SNW1: variants seen among roughly 807,000 people sequenced by gnomAD.
The protein encoded by SNW1 is SNW domain containing 1.
A neutral mutation model predicts 75.6 loss-of-function variants in SNW1; 9 were observed. That is an observed-to-expected ratio of 0.12 (90% confidence interval 0.07 to 0.21). The LOEUF is 0.21. Among genes scored for constraint, SNW1 ranks in the 10% least tolerant of loss-of-function variants. The probability of loss-of-function intolerance (pLI) is 1.00; values close to 1 mark genes in which losing one functional copy is unlikely to be tolerated. For synonymous variants in SNW1, 200 were observed against 219.1 expected, an observed-to-expected ratio of 0.91 and a Z score of 0.77; for missense variants, 409 against 670.9, an observed-to-expected ratio of 0.61 and a Z score of 4.31.
intron 10 of SNW1, among the ~76,000 whole-genome samples, chr14:77,729,847 A>G (rs1329683722): frequency 6.6e-6 from 1 of 152,180 alleles, no homozygotes; most frequent in Non-Finnish European, 1.5e-5. Flanking sequence ...ATGTCAGGTC[A>G]TTACTCTGCT....
At chr14:77,731,713 C>T (rs1271808759) in intron 9 of SNW1, among the ~76,000 whole-genome samples, 2 of 152,154 alleles carry the variant, frequency 1.3e-5, no homozygotes, top group Admixed American at 6.5e-5. Context: ...ACTTCAATAT[C>T]ACATATTAAT....
At chr14:77,738,496 C>G (rs1385271920) in intron 5 of SNW1, among the ~76,000 whole-genome samples, 1 of 151,756 alleles carries the variant, frequency 6.6e-6, no homozygotes, top group Non-Finnish European at 1.5e-5. Flanking sequence ...AGGAGGATCA[C>G]CTGAGCCCAG....
In SNW1 at chr14:77,743,340, C is replaced by T. The variant is rs1303257392; in HGVS notation, c.331-4279G>A. On this transcript the variant is annotated intron_variant, in intron 3 of 13. Coordinates refer to ENST00000261531, the MANE Select transcript of SNW1 (RefSeq NM_012245.3). ...CCCCAATTTTGTATGACTAATAAGT[C>T]GTATACACAGTACTTACTTCACATG... Among the ~76,000 whole-genome samples the T allele has an allele frequency of 2.6e-5, 4 of 152,022 alleles. 1 individual carries two copies. In the South Asian group the frequency reaches 8.3e-4, roughly 31 times the overall value.
chr14:77,759,982 A>C (rs1365701434), intron 1 of SNW1, among the ~76,000 whole-genome samples: 3 of 152,126 alleles, frequency 2.0e-5, no homozygotes, highest in African/African-American at 7.2e-5. Flanking sequence ...AAAGCAAAAA[A>C]ATTTTAGAAA....
At chr14:77,728,590 C>A (rs935094260) in intron 10 of SNW1, among the ~76,000 whole-genome samples, 1 of 152,204 alleles carries the variant, frequency 6.6e-6, no homozygotes, top group African/African-American at 2.4e-5. Context: ...ATCTTGATTT[C>A]CACTGCATTT....
At chr14:77,725,771 G>A (rs2080580127) in intron 10 of SNW1, among the ~76,000 whole-genome samples, 1 of 152,124 alleles carries the variant, frequency 6.6e-6, no homozygotes, top group African/African-American at 2.4e-5. Flanking sequence ...ACAAAAATTA[G>A]CCAGGCGTGG....
At chr14:77,736,537 A>C (rs1321228489) in intron 6 of SNW1, among the ~76,000 whole-genome samples, 1 of 140,864 alleles carries the variant, frequency 7.1e-6, no homozygotes, top group African/African-American at 2.7e-5. Context: ...TGACAGAGCG[A>C]GACTGTCTCT....
chr14:77,728,572 C>T (rs914248397), intron 10 of SNW1, among the ~76,000 whole-genome samples: 5 of 152,198 alleles, frequency 3.3e-5, no homozygotes, highest in African/African-American at 4.8e-5. Flanking sequence ...CCCTTAGGGG[C>T]TGGCTGGATC....
intron 11 of SNW1, chr14:77,722,364 T>A: frequency 2.9e-6 from 1 of 342,852 alleles, no homozygotes; most frequent in Non-Finnish European, 5.7e-6. Context: ...TCTGTCTTTC[T>A]GAACTGTAAG....
chr14:77,743,678 TCACTGCCAC>T (rs1318797994), intron 3 of SNW1, among the ~76,000 whole-genome samples: 1 of 152,194 alleles, frequency 6.6e-6, no homozygotes, highest in Non-Finnish European at 1.5e-5. Flanking sequence ...AAACAGGGCA[TCACTGCCAC>T]CTCTAACTCC....
At chr14:77,744,133 C>CAAAAAA (rs2080739559) in intron 3 of SNW1, among the ~76,000 whole-genome samples, 1 of 53,776 alleles carries the variant, frequency 1.9e-5, no homozygotes. Flanking sequence ...GAGACTCCAT[C>CAAAAAA]TCAAAAAAAA....
At chr14:77,725,009 T>C (rs1398151988) in intron 10 of SNW1, among the ~76,000 whole-genome samples, 2 of 152,182 alleles carry the variant, frequency 1.3e-5, no homozygotes, top group Non-Finnish European at 2.9e-5. Context: ...CTCGCCAGCA[T>C]CTATTATTGC....
At chr14:77,719,585 G>C (rs2139889249) in intron 12 of SNW1, among the ~76,000 whole-genome samples, 1 of 152,282 alleles carries the variant, frequency 6.6e-6, no homozygotes, top group African/African-American at 2.4e-5. Context: ...AGGTTGCAGT[G>C]AGCCGAGATG....
intron 3 of SNW1, among the ~76,000 whole-genome samples, chr14:77,747,532 C>G: frequency 6.6e-6 from 1 of 151,714 alleles, no homozygotes; most frequent in East Asian, 1.9e-4. Flanking sequence ...CCCCGCCGCC[C>G]GGTCTGGGAT....
At chr14:77,723,658 A>G (rs2080561726) in intron 10 of SNW1, among the ~76,000 whole-genome samples, 1 of 151,886 alleles carries the variant, frequency 6.6e-6, no homozygotes, top group Non-Finnish European at 1.5e-5. Context: ...CCCCATTAGT[A>G]TTTTGTTTGT....
chr14:77,751,865 A>G lies in SNW1; in HGVS notation c.169-385T>C, dbSNP rs557567176. On this transcript the variant is annotated intron_variant, in intron 2 of 13. Coordinates refer to ENST00000261531, the MANE Select transcript of SNW1 (RefSeq NM_012245.3). Reference sequence around the variant, plus strand: ...ACACACCACACACACACACACACAAAGCATTTTCTAGATGGATCAAATAGC... The same window carrying G: ...ACACACCACACACACACACACACAAGGCATTTTCTAGATGGATCAAATAGC... Among the ~76,000 whole-genome samples, 120 of 150,294 alleles carry G rather than the reference A, an allele frequency of 8.0e-4. 2 individuals are homozygous for G. Among genetic ancestry groups the G allele is most frequent in the Middle Eastern group, 3.4e-3 (1 of 292 alleles).
At chr14:77,757,471 T>C (rs1275943531) in intron 1 of SNW1, among the ~76,000 whole-genome samples, 1 of 152,232 alleles carries the variant, frequency 6.6e-6, no homozygotes, top group African/African-American at 2.4e-5. Flanking sequence ...AAGGTTCTTA[T>C]AAGTATTAAA....
chr14:77,745,823 A>C (rs2139922167), intron 3 of SNW1, among the ~76,000 whole-genome samples: 1 of 152,340 alleles, frequency 6.6e-6, no homozygotes, highest in African/African-American at 2.4e-5. Flanking sequence ...CAGGAGTTTG[A>C]GACCAGCCTG....
chr14:77,742,224 T>C (rs2080724652), intron 3 of SNW1, among the ~76,000 whole-genome samples: 1 of 151,924 alleles, frequency 6.6e-6, no homozygotes, highest in African/African-American at 2.4e-5. Context: ...TTATTAGAGA[T>C]GGGGTTTCAC....
Sources: gnomAD v4.1 joint callset for allele counts (sites outside exome capture counted in the v4.1 genomes callset) on GRCh38, gnomAD v4.1.1 for gene constraint, MANE v1.5 for transcripts, NCBI Gene and HGNC (gene_info 2026-07-23, HGNC 2026-07-21) for gene names.